Variants in MOG observed in about 807,000 individuals in gnomAD.
MOG encodes myelin oligodendrocyte glycoprotein, also known as myelin-oligodendrocyte glycoprotein.
Under a neutral mutation model 35.9 loss-of-function variants are expected in MOG, and 20 were observed. That is an observed-to-expected ratio of 0.56 (90% CI 0.39 to 0.81). MOG has a LOEUF of 0.81. Among genes scored for constraint, MOG ranks in the 30% least tolerant of loss-of-function variants. The pLI is 0.00. For missense variants in MOG, 251 were observed against 301.0 expected, an observed-to-expected ratio of 0.83 and a Z score of 1.23; for synonymous variants, 92 against 114.3, an observed-to-expected ratio of 0.80 and a Z score of 1.25.
intron 3 of MOG, among the ~76,000 whole-genome samples, 153 bp downstream of exon 3, chr6:29,666,418 A>T: frequency 6.6e-6 from 1 of 152,194 alleles, no homozygotes; most frequent in East Asian, 1.9e-4. Flanking sequence ...CTCCATGATG[A>T]AAGAGTTTTA....
intron 3 of MOG, 114 bp downstream of exon 3, chr6:29,666,379 C>A: frequency 1.5e-6 from 1 of 682,260 alleles, no homozygotes. Context: ...AAGTTCTTCT[C>A]ACTATTGAGT....
chr6:29,666,392 T>C (rs1554207165), intron 3 of MOG, 127 bp downstream of exon 3: 1 of 636,636 alleles, frequency 1.6e-6, no homozygotes, highest in Non-Finnish European at 2.8e-6. Context: ...TATTGAGTGA[T>C]AAAGAAAAAA....
At chr6:29,657,332 C>T in intron 1 of MOG, 35 bp downstream of exon 1, 1 of 1,478,350 alleles carries the variant, frequency 6.8e-7, no homozygotes, top group Non-Finnish European at 9.3e-7. Flanking sequence ...CTGGGGAGAC[C>T]CTGAAAACAG....
Position 29,659,344 on chromosome 6 carries a change from A to C in MOG, c.114A>C (p.Arg38Ser). 6.2e-7 allele frequency: 1 copy of C among 1,612,824 alleles called. No homozygotes were observed. Among genetic ancestry groups the C allele is most frequent in the Non-Finnish European group, 8.5e-7 (1 of 1,179,936 alleles). ...YAGQFRVIGP[R>S]HPIRALVGDE... ...GGCAGTTCAGAGTGATAGGACCAAG[A>C]CACCCTATCCGGGCTCTGGTCGGGG... Residue 38 changes from arginine to serine, a missense_variant, in exon 2 of 8, where the codon AGA (arginine) becomes AGC (serine). By Grantham distance (110) the Arg-to-Ser change is moderately radical (BLOSUM62 -1). Transcript: ENST00000376917.
Position 29,662,038 on chromosome 6 carries a change from T to C in MOG, c.436+2372T>C. On this transcript the variant is annotated intron_variant, in intron 2 of 7. Coordinates refer to ENST00000376917, the MANE Select transcript of MOG (RefSeq NM_206809.4). The surrounding 1 kb of genome is among the most constrained non-coding windows in gnomAD (Gnocchi z 4.2). ...AGACAAATTTAGGAATGAGATGAAG[T>C]AATGGTATTATTGCAAGTCTCAGGT... 1.0e-6 allele frequency: 1 copy of C among 985,384 alleles called. No individual in the cohort carries two copies. The highest frequency in any genetic ancestry group is 5.2e-4 in the Middle Eastern group (1 of 1,914). The allele number at this position is 985,384 out of a possible 1,614,324, so 61.0% of individuals were successfully genotyped here.
Position 29,670,537 on chromosome 6 carries a change from AC to A in MOG, c.709+144del. ...CCTTATTCCTCTGTCCCCATGCCCA[AC>A]CCCAGGCTCTTCTGAGAAACTGTGA... On this transcript the variant is annotated intron_variant, in intron 6 of 7. Transcript: ENST00000376917. This position sits in a 1 kb window ranked among gnomAD's most constrained non-coding sequence, Gnocchi z 4.2. 6.6e-7 allele frequency: 1 copy of A among 1,520,924 alleles called. No individual in the cohort carries two copies. The highest frequency in any genetic ancestry group is 9.1e-7 in the Non-Finnish European group (1 of 1,104,258). 94.2% of individuals were successfully genotyped at this position (1,520,924 alleles called of 1,614,324 possible).
chr6:29,657,749 T>C (rs1261888297), intron 1 of MOG, among the ~76,000 whole-genome samples: 4 of 149,432 alleles, frequency 2.7e-5, no homozygotes, highest in African/African-American at 9.9e-5. Context: ...GACCTGCTGA[T>C]CCGCCCGCCT....
intron 2 of MOG, chr6:29,664,019 C>T: frequency 1.3e-5 from 6 of 449,542 alleles, no homozygotes; most frequent in Non-Finnish European, 1.8e-5. Flanking sequence ...TGCAGCATGG[C>T]ACATGGAGAT....
rs1767264454 is a variant in MOG at position 29,657,166 on chromosome 6, C to T, written c.-44C>T. 1.4e-6 allele frequency: 2 copies of T among 1,463,910 alleles called. No individual in the cohort carries two copies. The highest frequency in any genetic ancestry group is 9.6e-7 in the Non-Finnish European group (1 of 1,045,832). 90.7% of individuals were successfully genotyped at this position (1,463,910 alleles called of 1,614,324 possible). On this transcript the variant is annotated 5_prime_UTR_variant, in exon 1 of 8. Coordinates refer to ENST00000376917, the MANE Select transcript of MOG (RefSeq NM_206809.4). ...ATGCACCCCAAGGGCCTCCACTTGG[C>T]CTGACCTTGCTGCGGGGGCTCTCTG...
chr6:29,664,980 C>G (rs186243272), intron 2 of MOG, among the ~76,000 whole-genome samples: 2 of 152,152 alleles, frequency 1.3e-5, no homozygotes, highest in Admixed American at 1.3e-4. Flanking sequence ...ATTAAATTAA[C>G]AAGAGTTAGG....
chr6:29,667,599 GC>G, intron 3 of MOG, 43 bp from the exon 4 acceptor site: 2 of 1,613,438 alleles, frequency 1.2e-6, no homozygotes, highest in Non-Finnish European at 1.7e-6. Flanking sequence ...CCCACCGAGA[GC>G]CAGAACATGC....
At chr6:29,669,970 C>T (rs961570549) in intron 5 of MOG, 2 of 640,464 alleles carry the variant, frequency 3.1e-6, no homozygotes, top group Non-Finnish European at 2.8e-6. Context: ...GGGGTTTCAC[C>T]ATGTTGGCCT....
At chr6:29,667,187 T>A (rs1417712568) in intron 3 of MOG, among the ~76,000 whole-genome samples, 1 of 152,196 alleles carries the variant, frequency 6.6e-6, no homozygotes. Context: ...AGAGAAAACA[T>A]CCTTCGTCCT....
chr6:29,661,349 A>T (rs1768688955), intron 2 of MOG: 2 of 984,560 alleles, frequency 2.0e-6, no homozygotes, highest in African/African-American at 3.5e-5. Context: ...ATATGGAAAT[A>T]GCTTTATGTG....
intron 2 of MOG, chr6:29,659,901 T>C (rs868697371): frequency 3.3e-6 from 2 of 604,900 alleles, no homozygotes; most frequent in Middle Eastern, 4.4e-4. Flanking sequence ...AGTGACAGAA[T>C]GAACAATGGT....
intron 5 of MOG, among the ~76,000 whole-genome samples, chr6:29,669,148 T>C (rs1420907611): frequency 6.6e-6 from 1 of 152,118 alleles, no homozygotes; most frequent in Non-Finnish European, 1.5e-5. Flanking sequence ...CTCGAACTCC[T>C]GACCTCAGGT....
rs1453233483 is a variant in MOG at position 29,666,138 on chromosome 6, G to T, written c.437-14G>T. ...CAGCTCTGGACAATGTCAAATGTCA[G>T]TCCTGCCTTTCAGATCCTTTCTACT... is the stretch of plus-strand genomic sequence containing the variant. On this transcript the variant is annotated splice_polypyrimidine_tract_variant and intron_variant, in intron 2 of 7. Transcript: ENST00000376917. 3 of 1,564,066 alleles carry T rather than the reference G, an allele frequency of 1.9e-6. No individual in the cohort carries two copies. Among genetic ancestry groups the T allele is most frequent in the Admixed American group, 1.7e-5 (1 of 59,942 alleles).
intron 4 of MOG, 100 bp from the exon 5 acceptor site, chr6:29,667,804 T>C (rs1770547157): frequency 1.9e-6 from 3 of 1,544,366 alleles, no homozygotes; most frequent in Admixed American, 1.7e-5. Context: ...GGGTGTGTCG[T>C]GCCTAGAACA....
chr6:29,663,433 C>G (rs1010979305), intron 2 of MOG, among the ~76,000 whole-genome samples: 1 of 152,104 alleles, frequency 6.6e-6, no homozygotes, highest in Non-Finnish European at 1.5e-5. Flanking sequence ...TATACTCTTA[C>G]AGTTGGTTTC....
Sources: allele counts gnomAD v4.1 joint callset (sites outside exome capture counted in the v4.1 genomes callset), GRCh38; gene constraint gnomAD v4.1.1; non-coding constraint Gnocchi (gnomAD v3.1); transcripts MANE v1.5; gene names NCBI Gene and HGNC (gene_info 2026-07-23, HGNC 2026-07-21).